CD59: variants seen among roughly 807,000 people sequenced by gnomAD.
CD59 encodes CD59 molecule (CD59 blood group), also known as CD59 glycoprotein.
In CD59, 3 loss-of-function variants were observed where a neutral mutation model predicts 7.0. The ratio of observed to expected loss-of-function variants is 0.43; its 90% CI spans 0.19 to 1.10. The LOEUF is 1.10. Ranked by LOEUF, CD59 falls within the 50% of genes least tolerant of loss-of-function variation. CD59 has a pLI of 0.29. For missense variants in CD59, 143 were observed against 151.0 expected (o/e 0.95, Z 0.28); for synonymous variants, 60 against 62.0 (o/e 0.97, Z 0.15).
intron 2 of CD59, among the ~76,000 whole-genome samples, chr11:33,720,038 A>G (rs1413315021): frequency 6.6e-6 from 1 of 152,214 alleles, no homozygotes; most frequent in African/African-American, 2.4e-5. Context: ...TCCCGGGCTC[A>G]TTTGGCCTCT....
rs1853174338 is a variant in CD59 at position 33,703,383 on chromosome 11, T to C, written c.*6743A>G. The C allele has an allele frequency of 6.6e-6, 1 of 152,244 alleles. No homozygotes were observed. The highest frequency in any genetic ancestry group is 1.5e-5 in the Non-Finnish European group (1 of 68,054). The allele number at this position is 152,244 out of a possible 1,614,324, so 9.4% of individuals were successfully genotyped here. ...ATGTCCAGGAAACTCAAGTTTGTGA[T>C]GAAAGAACAGTCTTGAATTCAACTT... On this transcript the variant is annotated 3_prime_UTR_variant, in exon 4 of 4. Transcript: ENST00000642928.
At chr11:33,725,016 G>A (rs1854213632) in intron 1 of CD59, among the ~76,000 whole-genome samples, 1 of 152,112 alleles carries the variant, frequency 6.6e-6, no homozygotes, top group Non-Finnish European at 1.5e-5. Context: ...AAAAGAAACA[G>A]CTGATTGTTT....
At chr11:33,722,659 A>G (rs1403899004) in intron 1 of CD59, 196 bp from the exon 2 acceptor site, 9 of 1,420,690 alleles carry the variant, frequency 6.3e-6, no homozygotes, top group Non-Finnish European at 8.4e-6. Flanking sequence ...CAGTCCCTAT[A>G]AGCCCCAGTG....
At position 33,717,445 on chromosome 11, in the gene CD59, G is replaced by T; in HGVS notation, c.94C>A (p.Pro32Thr). ...GTTTTGCAGTCAGCAGTTGGGTTAGGACAGTTGTAGCACTGCAGGCTATGA... is the reference window on the plus strand; with the variant it reads ...GTTTTGCAGTCAGCAGTTGGGTTAGTACAGTTGTAGCACTGCAGGCTATGA... ...SGHSLQCYNC[P>T]NPTADCKTAV... Residue 32 changes from proline (P) to threonine (T), a missense_variant, in exon 3 of 4, where the codon CCT becomes ACT. Transcript: ENST00000642928. 6.2e-7 allele frequency: 1 copy of T among 1,612,540 alleles called. No individual in the cohort carries two copies. The highest frequency in any genetic ancestry group is 8.5e-7 in the Non-Finnish European group (1 of 1,178,624).
chr11:33,712,012 T>C (rs1853579809), intron 3 of CD59, among the ~76,000 whole-genome samples: 1 of 152,264 alleles, frequency 6.6e-6, no homozygotes, highest in Non-Finnish European at 1.5e-5. Flanking sequence ...CACAAGTGTA[T>C]ATACTTCTGC....
chr11:33,716,094 G>A (rs911571215), intron 3 of CD59, among the ~76,000 whole-genome samples: 1 of 152,154 alleles, frequency 6.6e-6, no homozygotes, highest in African/African-American at 2.4e-5. Flanking sequence ...GAATGAATAT[G>A]GTCTTCCAGT....
intron 1 of CD59, among the ~76,000 whole-genome samples, chr11:33,728,823 AAAAC>A (rs1854332503): frequency 1.3e-5 from 2 of 152,382 alleles, no homozygotes; most frequent in Admixed American, 1.3e-4. Context: ...TTTACAAGAA[AAAAC>A]AAACAATTTC....
intron 3 of CD59, 56 bp from the exon 4 acceptor site, chr11:33,710,399 C>A: frequency 3.8e-6 from 5 of 1,309,104 alleles, no homozygotes; most frequent in Non-Finnish European, 4.4e-6. Context: ...TCTGTATCTG[C>A]TTTTGAATCC....
rs1199067782 is a variant in CD59, at chr11:33,709,075, A to C, written c.*1051T>G. ...GTGAAAGGTGTGTATCATTTTTTAGAAGAGCTTCTGAAAGCCTCAAACATC... is the reference window on the plus strand; with the variant it reads ...GTGAAAGGTGTGTATCATTTTTTAGCAGAGCTTCTGAAAGCCTCAAACATC... On this transcript the variant is annotated 3_prime_UTR_variant, in exon 4 of 4. Transcript: ENST00000642928. 6.6e-6 allele frequency: 1 copy of C among 152,242 alleles called. No homozygotes were observed. Among genetic ancestry groups the C allele is most frequent in the African/African-American group, 2.4e-5 (1 of 41,464 alleles). 9.4% of individuals were successfully genotyped at this position (152,242 alleles called of 1,614,324 possible).
At chr11:33,734,662 G>A (rs954695136) in intron 1 of CD59, among the ~76,000 whole-genome samples, 1 of 152,208 alleles carries the variant, frequency 6.6e-6, no homozygotes, top group Admixed American at 6.5e-5. Context: ...TCCTATCTCC[G>A]CACTCACGGC....
rs2133504176 is a variant in CD59, at chr11:33,704,197, G to C, written c.*5929C>G. The stretch of plus-strand genomic sequence containing the variant: ...TTGTGTCTTGGAATACAAGAGTTGT[G>C]CCTGAATCTGGGACTCTCTGTGACC... On this transcript the variant is annotated 3_prime_UTR_variant, in exon 4 of 4. Transcript: ENST00000642928. The C allele has an allele frequency of 6.6e-6, 1 of 151,446 alleles. No individual in the cohort carries two copies. The highest frequency in any genetic ancestry group is 1.5e-5 in the Non-Finnish European group (1 of 68,022). 9.4% of individuals were successfully genotyped at this position (151,446 alleles called of 1,614,324 possible). A position where few individuals can be genotyped will look rare whatever the true frequency, so the allele number is the denominator to read the frequency against.
In CD59 at chr11:33,720,725, T is replaced by C. The variant is rs939850361; in HGVS notation, c.67+1654A>G. Among the ~76,000 whole-genome samples the C allele has an allele frequency of 1.2e-4, 18 of 149,692 alleles. No homozygotes were observed. In the South Asian group the frequency reaches 2.0e-3, roughly 16 times the overall value. On this transcript the variant is annotated intron_variant, in intron 2 of 3. Transcript: ENST00000642928. ...GCCTGGGCGACAGAGTGAGACTCCA[T>C]CCCCCTGAAAAAAACAAACAAAAAA...
At chr11:33,717,303 G>T in intron 3 of CD59, 67 bp downstream of exon 3, 2 of 943,714 alleles carry the variant, frequency 2.1e-6, no homozygotes, top group Non-Finnish European at 3.4e-6. Context: ...GATTACAGTG[G>T]CACAATTTTT....
In CD59 at chr11:33,704,570, ACTTGT is replaced by A. The variant is rs1853233759; in HGVS notation, c.*5551_*5555del. 6.6e-6 allele frequency: 1 copy of A among 152,174 alleles called. No homozygotes were observed. The highest frequency in any genetic ancestry group is 2.1e-4 in the South Asian group (1 of 4,826). The allele number at this position is 152,174 out of a possible 1,614,324, so 9.4% of individuals were successfully genotyped here. On this transcript the variant is annotated 3_prime_UTR_variant, in exon 4 of 4. Coordinates refer to ENST00000642928, the MANE Select transcript of CD59 (RefSeq NM_000611.6). ...CACAAGAGGCTACTGTGTCCCAGGC[ACTTGT>A]CTTAACTCATTTAACTTTTCTAACA...
At chr11:33,721,107 AG>A (rs1854040064) in intron 2 of CD59, among the ~76,000 whole-genome samples, 1 of 152,264 alleles carries the variant, frequency 6.6e-6, no homozygotes, top group Non-Finnish European at 1.5e-5. Flanking sequence ...GAAGGAACCA[AG>A]AAAAATGAAT....
intron 1 of CD59, among the ~76,000 whole-genome samples, chr11:33,726,011 G>A (rs1212766200): frequency 1.3e-5 from 2 of 152,114 alleles, no homozygotes; most frequent in African/African-American, 4.8e-5. Flanking sequence ...CCCAACACAG[G>A]AGCACCTAGA....
chr11:33,722,855 G>A (rs1564975983), intron 1 of CD59: 3 of 941,140 alleles, frequency 3.2e-6, no homozygotes, highest in East Asian at 6.4e-5. Flanking sequence ...GACCAAAGGG[G>A]TGACTCTGGA....
At chr11:33,714,246 G>T (rs1041849384) in intron 3 of CD59, among the ~76,000 whole-genome samples, 1 of 152,184 alleles carries the variant, frequency 6.6e-6, no homozygotes, top group East Asian at 1.9e-4. Flanking sequence ...AGGCTATGTG[G>T]TATGTCCTAT....
chr11:33,713,077 C>T (rs1424705584), intron 3 of CD59, among the ~76,000 whole-genome samples: 1 of 152,054 alleles, frequency 6.6e-6, no homozygotes, highest in African/African-American at 2.4e-5. Context: ...CCATCATGGT[C>T]CCATTTTTGG....
Sources: allele counts gnomAD v4.1 joint callset (sites outside exome capture counted in the v4.1 genomes callset), GRCh38; gene constraint gnomAD v4.1.1; transcripts MANE v1.5; gene names NCBI Gene and HGNC (gene_info 2026-07-23, HGNC 2026-07-21).